Variants in ST8SIA2 observed in about 807,000 individuals in gnomAD.
ST8SIA2 encodes the protein ST8 alpha-N-acetyl-neuraminide alpha-2,8-sialyltransferase 2.
Under a neutral mutation model 37.6 loss-of-function variants are expected in ST8SIA2, and 22 were observed. The observed-to-expected ratio is 0.58, with a 90% CI of 0.42 to 0.83. The LOEUF is 0.83. Ranked by LOEUF, ST8SIA2 falls within the 40% of genes least tolerant of loss-of-function variation. The pLI is 0.00. For synonymous variants in ST8SIA2, 205 were observed against 201.2 expected (o/e 1.02, Z -0.16); for missense variants, 382 against 484.7 (o/e 0.79, Z 1.99).
chr15:92,416,477 G>A (rs527539816), intron 1 of ST8SIA2, among the ~76,000 whole-genome samples: 2 of 152,188 alleles, frequency 1.3e-5, no homozygotes, highest in South Asian at 4.2e-4. Context: ...GCGTGCAAAG[G>A]GCACACTCAC....
At chr15:92,402,794 C>T (rs552133573) in intron 1 of ST8SIA2, among the ~76,000 whole-genome samples, 2 of 152,122 alleles carry the variant, frequency 1.3e-5, no homozygotes, top group South Asian at 4.2e-4. Flanking sequence ...CTTCCCCGCA[C>T]GGAGTCTCAT....
At chr15:92,460,986 A>T (rs2049953206) in intron 5 of ST8SIA2, among the ~76,000 whole-genome samples, 1 of 152,124 alleles carries the variant, frequency 6.6e-6, no homozygotes, top group Non-Finnish European at 1.5e-5. Context: ...CAGCTGGGTG[A>T]TACAGAGGGA....
At chr15:92,463,293 C>G (rs73547868) in intron 5 of ST8SIA2, among the ~76,000 whole-genome samples, 3,020 of 152,310 alleles carry the variant, frequency 0.02, 108 homozygotes, top group African/African-American at 0.068. Context: ...AGCGGGGACT[C>G]TGTTTCAGAG....
At position 92,454,885 on chromosome 15, in the gene ST8SIA2, A is replaced by G. The variant is rs116876942; in HGVS notation, c.843-9215A>G. 3.9e-3 allele frequency among the ~76,000 whole-genome samples: 590 copies of G among 151,980 alleles called. 6 individuals carry two copies. Among genetic ancestry groups the G allele is most frequent in the South Asian group, 0.029 (140 of 4,790 alleles). On this transcript the variant is annotated intron_variant, in intron 5 of 5. Transcript: ENST00000268164. ...TGGCTCTAATTTAATTACAACATCGAAGGAGGCTGCGACCCACAGAGACGG... is the reference window on the plus strand; with the variant it reads ...TGGCTCTAATTTAATTACAACATCGGAGGAGGCTGCGACCCACAGAGACGG...
At chr15:92,426,270 AATTGGG>A (rs2141824692) in intron 1 of ST8SIA2, among the ~76,000 whole-genome samples, 1 of 152,268 alleles carries the variant, frequency 6.6e-6, no homozygotes, top group East Asian at 1.9e-4. Flanking sequence ...GAGAATTGAA[AATTGGG>A]ATGGTTTGGA....
intron 1 of ST8SIA2, among the ~76,000 whole-genome samples, chr15:92,406,533 G>A (rs1294237622): frequency 6.6e-6 from 1 of 152,238 alleles, no homozygotes; most frequent in African/African-American, 2.4e-5. Context: ...CCCAGGTGAA[G>A]TGTATGCACA....
intron 1 of ST8SIA2, among the ~76,000 whole-genome samples, chr15:92,422,034 CTT>C (rs1222391427): frequency 2.0e-5 from 3 of 152,186 alleles, no homozygotes; most frequent in Non-Finnish European, 4.4e-5. Flanking sequence ...TATTTTCTCT[CTT>C]GTTACTTAAG....
chr15:92,398,993 A>G (rs1280362010), intron 1 of ST8SIA2, among the ~76,000 whole-genome samples: 2 of 152,174 alleles, frequency 1.3e-5, no homozygotes, highest in Non-Finnish European at 2.9e-5. Context: ...CTCTGAGCAC[A>G]TCTCCCCAAA....
Position 92,396,640 on chromosome 15 carries a change from CCT to C in ST8SIA2, c.98+2479_98+2480del, listed in dbSNP as rs1596225751. On this transcript the variant is annotated intron_variant, in intron 1 of 5. Transcript: ENST00000268164. The stretch of plus-strand genomic sequence containing the variant: ...TCCCGAGTAGCTGGGATTACAGGCA[CCT>C]GCCACCACACCAGGCTAATTTTTGT... Among the ~76,000 whole-genome samples the C allele has an allele frequency of 2.0e-5, 3 of 149,670 alleles. No homozygotes were observed. In the East Asian group the frequency reaches 5.8e-4, roughly 29 times the overall value.
chr15:92,413,904 G>C (rs1260096727), intron 1 of ST8SIA2, among the ~76,000 whole-genome samples: 2 of 152,204 alleles, frequency 1.3e-5, no homozygotes, highest in Non-Finnish European at 2.9e-5. Context: ...GACACCTTCA[G>C]CCATTGCCCT....
chr15:92,450,500 G>A (rs761280740), intron 5 of ST8SIA2, among the ~76,000 whole-genome samples: 8 of 152,260 alleles, frequency 5.3e-5, no homozygotes, highest in East Asian at 1.9e-4. Context: ...GAATCATAGC[G>A]GCTTCAGCTT....
intron 1 of ST8SIA2, among the ~76,000 whole-genome samples, chr15:92,425,573 T>C (rs1181765413): frequency 1.3e-5 from 2 of 152,164 alleles, no homozygotes; most frequent in Non-Finnish European, 2.9e-5. Flanking sequence ...ACGAAGAAGA[T>C]AGTTTGTTAT....
chr15:92,423,375 C>CA (rs892845972), intron 1 of ST8SIA2, among the ~76,000 whole-genome samples: 1 of 152,238 alleles, frequency 6.6e-6, no homozygotes, highest in African/African-American at 2.4e-5. Context: ...GAGCTGAGAT[C>CA]ACGCCCCTAT....
rs761079156 is a variant in ST8SIA2 at position 92,430,107 on chromosome 15, A to G, written c.157A>G (p.Asn53Asp). Residue 53 changes from asparagine (N) to aspartate (D), a missense_variant, in exon 2 of 6, where the codon AAT becomes GAT. Physicochemically the swap from Asn to Asp is conservative, Grantham distance 23 (BLOSUM62 1). Transcript: ENST00000268164. ...TGTGAACAGCTTACATAGCAAATCT[A>G]ATAGGTTTGTAAATTAGATTTTGTG... ...SAVNSLHSKS[N>D]RAEVVINGSS... 4 of 1,613,988 alleles carry G rather than the reference A, an allele frequency of 2.5e-6. No homozygotes were observed. The highest frequency in any genetic ancestry group is 3.4e-6 in the Non-Finnish European group (4 of 1,179,954).
intron 4 of ST8SIA2, 151 bp downstream of exon 4, chr15:92,438,761 G>T (rs1022702985): frequency 8.5e-7 from 1 of 1,177,192 alleles, no homozygotes; most frequent in Non-Finnish European, 1.2e-6. Flanking sequence ...GAATCACTTG[G>T]GGAGCTTCGC....
chr15:92,464,452 C>T lies in ST8SIA2; in HGVS notation c.*67C>T, dbSNP rs150744486. ...AGCTACACCACAGGCAGATGGGAGT[C>T]GGGGTGGCACAAACAATAGAACAAG... is the stretch of plus-strand genomic sequence containing the variant. On this transcript the variant is annotated 3_prime_UTR_variant, in exon 6 of 6. Coordinates refer to ENST00000268164, the MANE Select transcript of ST8SIA2 (RefSeq NM_006011.4). 129 of 1,573,018 alleles carry T rather than the reference C, an allele frequency of 8.2e-5. 1 individual carries two copies. In the African/African-American group the frequency reaches 1.5e-3, roughly 19 times the overall value.
intron 2 of ST8SIA2, among the ~76,000 whole-genome samples, chr15:92,432,603 G>C (rs903325872): frequency 2.6e-5 from 4 of 152,150 alleles, no homozygotes; most frequent in African/African-American, 7.2e-5. Context: ...ATTCCAAAGG[G>C]TTAGGTCTTG....
Position 92,393,968 on chromosome 15 carries a change from G to C in ST8SIA2, c.-97G>C. ...CGGAGCGCAGGGTGTCTGCCCAGCT[G>C]CGCGCGGCGCGCGGAGGCTCCGGCG... On this transcript the variant is annotated 5_prime_UTR_variant, in exon 1 of 6. Transcript: ENST00000268164. 1.3e-6 allele frequency: 1 copy of C among 755,856 alleles called. No homozygotes were observed. The highest frequency in any genetic ancestry group is 1.9e-6 in the Non-Finnish European group (1 of 536,622). The allele number at this position is 755,856 out of a possible 1,614,324, so 46.8% of individuals were successfully genotyped here. A position where few individuals can be genotyped will look rare whatever the true frequency, so the allele number is the denominator to read the frequency against.
intron 1 of ST8SIA2, among the ~76,000 whole-genome samples, chr15:92,414,792 C>T (rs1013222893): frequency 6.6e-6 from 1 of 152,218 alleles, no homozygotes; most frequent in African/African-American, 2.4e-5. Flanking sequence ...CTCTATGACC[C>T]GTCACCACCC....
Sources: gnomAD v4.1 joint callset for allele counts (sites outside exome capture counted in the v4.1 genomes callset) on GRCh38, gnomAD v4.1.1 for gene constraint, MANE v1.5 for transcripts, NCBI Gene and HGNC (gene_info 2026-07-23, HGNC 2026-07-21) for gene names.